The following SNX6 variants were observed in gnomAD, a reference collection of about 807,000 sequenced individuals.
SNX6 encodes the protein sorting nexin 6, also known as sorting nexin-6.
In SNX6, 34 loss-of-function variants were observed where a neutral mutation model predicts 63.0. The observed-to-expected ratio is 0.54, with a 90% CI of 0.41 to 0.72. The LOEUF (loss-of-function observed/expected upper bound fraction) is 0.72. SNX6 is among the 30% of genes least tolerant of loss of function. The pLI, the probability that SNX6 is intolerant of heterozygous loss-of-function variation, is 0.00. For synonymous variants in SNX6, 170 were observed against 164.2 expected, an observed-to-expected ratio of 1.04 and a Z score of -0.27; for missense variants, 398 against 471.4, an observed-to-expected ratio of 0.84 and a Z score of 1.44.
At chr14:34,603,285 C>CA (rs887998953) in intron 6 of SNX6, 63 bp downstream of exon 6, 89,263 of 1,043,112 alleles carry the variant, frequency 0.086, 2 homozygotes, top group East Asian at 0.12. Flanking sequence ...GATTCCGTCT[C>CA]AAAAAAAAAA....
At chr14:34,571,279 A>T (rs1425459948) in intron 11 of SNX6, among the ~76,000 whole-genome samples, 2 of 151,662 alleles carry the variant, frequency 1.3e-5, no homozygotes, top group Non-Finnish European at 2.9e-5. Context: ...TAAAAATACA[A>T]AAAATTAGCC....
Position 34,567,878 on chromosome 14 carries a change from T to C in SNX6, c.1057A>G (p.Lys353Glu), listed in dbSNP as rs762002042. The C allele has an allele frequency of 1.2e-6, 2 of 1,614,120 alleles. No homozygotes were observed. Among genetic ancestry groups the C allele is most frequent in the Non-Finnish European group, 1.7e-6 (2 of 1,180,024 alleles). Residue 353 changes from lysine (K) to glutamate (E), a missense_variant, in exon 12 of 14, where the codon AAA becomes GAA. Transcript: ENST00000362031. ...SQQLCCQKFEKISESAKQELI... is the reference protein window; with the variant it reads ...SQQLCCQKFEEISESAKQELI... ...CCTTGTTTTGCAGACTCAGATATTT[T>C]TTCAAATTTCTGACAACATAATTGT...
intron 2 of SNX6, among the ~76,000 whole-genome samples, chr14:34,625,150 C>T (rs1201325902): frequency 6.6e-6 from 1 of 152,032 alleles, no homozygotes; most frequent in Non-Finnish European, 1.5e-5. Flanking sequence ...CTCCCGACCT[C>T]GTGATCCACC....
At chr14:34,596,422 C>A (rs1882600141) in intron 7 of SNX6, among the ~76,000 whole-genome samples, 2 of 151,628 alleles carry the variant, frequency 1.3e-5, no homozygotes, top group South Asian at 4.2e-4. Context: ...AGTTCGAGAC[C>A]AGCCTGGCCA....
intron 11 of SNX6, among the ~76,000 whole-genome samples, chr14:34,569,913 G>C (rs1360909122): frequency 6.6e-6 from 1 of 152,130 alleles, no homozygotes; most frequent in Non-Finnish European, 1.5e-5. Context: ...TGAAATCACT[G>C]AGTCATATGG....
chr14:34,592,852 C>T (rs922245458), intron 8 of SNX6, among the ~76,000 whole-genome samples, 193 bp downstream of exon 8: 1 of 152,228 alleles, frequency 6.6e-6, no homozygotes, highest in African/African-American at 2.4e-5. Flanking sequence ...GTCGTGATCA[C>T]AGGCGTGAGC....
intron 9 of SNX6, among the ~76,000 whole-genome samples, 170 bp downstream of exon 9, chr14:34,586,059 CG>C (rs984308861): frequency 5.3e-5 from 8 of 151,916 alleles, no homozygotes; most frequent in Non-Finnish European, 7.4e-5. Context: ...TGTGTCACCC[CG>C]CCTGGCTAAT....
intron 8 of SNX6, among the ~76,000 whole-genome samples, chr14:34,589,979 G>A (rs543190743): frequency 2.0e-5 from 3 of 152,206 alleles, no homozygotes; most frequent in Non-Finnish European, 2.9e-5. Context: ...AATTAGCCAC[G>A]CATGGTGGCG....
At chr14:34,626,211 T>A (rs1270817842) in intron 2 of SNX6, among the ~76,000 whole-genome samples, 6 of 152,142 alleles carry the variant, frequency 3.9e-5, no homozygotes. Context: ...ACTGGGTAAG[T>A]GTATATATCC....
Position 34,618,496 on chromosome 14 carries a change from G to A in SNX6, c.55-8754C>T, listed in dbSNP as rs750539801. 2.6e-5 allele frequency among the ~76,000 whole-genome samples: 4 copies of A among 152,036 alleles called. 1 individual carries two copies. The highest frequency in any genetic ancestry group is 6.3e-3 in the Middle Eastern group (2 of 316). ...CTCCCTAGTAGCTGGAATTACAGAC[G>A]TGCGACACCATGCCCAGCTAATTTT... On this transcript the variant is annotated intron_variant, in intron 2 of 13. Coordinates refer to ENST00000362031, the MANE Select transcript of SNX6 (RefSeq NM_152233.4).
chr14:34,612,729 G>A (rs1364914508), intron 2 of SNX6, among the ~76,000 whole-genome samples: 7 of 151,576 alleles, frequency 4.6e-5, no homozygotes, highest in East Asian at 4.0e-4. Context: ...CCACCACGCC[G>A]AGCCAGGACA....
At chr14:34,610,035 GTT>G (rs1167950243) in intron 2 of SNX6, among the ~76,000 whole-genome samples, 1 of 151,948 alleles carries the variant, frequency 6.6e-6, no homozygotes, top group Admixed American at 6.6e-5. Flanking sequence ...TTTAGTTACA[GTT>G]TATTTCAAAA....
At chr14:34,612,976 G>A (rs1883287682) in intron 2 of SNX6, among the ~76,000 whole-genome samples, 1 of 150,120 alleles carries the variant, frequency 6.7e-6, no homozygotes, top group Non-Finnish European at 1.5e-5. Flanking sequence ...GTGAACCTGG[G>A]AGGTGGAGCT....
Position 34,593,146 on chromosome 14 carries a change from A to G in SNX6, c.617T>C (p.Val206Ala), listed in dbSNP as rs1882465670. The change falls in exon 8 of 14, where the codon GTA (valine) becomes GCA (alanine). Residue 206 changes from valine (V) to alanine (A), a missense_variant. Transcript: ENST00000362031. ...TCGTTCGTGCTCAAAGAAATCATCT[A>G]CATCCTATAAGATCAAAAGAAAATA... ...DGVIVSGVKD[V>A]DDFFEHERTF... 1 of 1,582,362 alleles carries G rather than the reference A, an allele frequency of 6.3e-7. No individual in the cohort carries two copies. Among genetic ancestry groups the G allele is most frequent in the African/African-American group, 1.4e-5 (1 of 73,728 alleles).
At chr14:34,621,101 A>T (rs1296018717) in intron 2 of SNX6, among the ~76,000 whole-genome samples, 1 of 152,014 alleles carries the variant, frequency 6.6e-6, no homozygotes, top group Non-Finnish European at 1.5e-5. Context: ...TGCATGTGTG[A>T]CCACACCCTG....
intron 11 of SNX6, among the ~76,000 whole-genome samples, chr14:34,570,375 T>C (rs1594694115): frequency 2.7e-5 from 4 of 145,804 alleles, no homozygotes; most frequent in African/African-American, 1.0e-4. Flanking sequence ...CTTACCAGCT[T>C]TTTTTTTTTT....
intron 8 of SNX6, among the ~76,000 whole-genome samples, chr14:34,592,335 G>A (rs1454437364): frequency 6.6e-6 from 1 of 152,082 alleles, no homozygotes. Flanking sequence ...GTTGCAGTGA[G>A]CTGAGATTGC....
At chr14:34,617,711 G>A (rs531862197) in intron 2 of SNX6, among the ~76,000 whole-genome samples, 125 of 151,716 alleles carry the variant, frequency 8.2e-4, no homozygotes, top group African/African-American at 2.9e-3. Context: ...CACGAGGTCA[G>A]GGGATCAAGA....
rs1184494873 is a variant in SNX6 at position 34,563,111 on chromosome 14, C to CG, written c.*10dup. 2.5e-6 allele frequency: 4 copies of CG among 1,612,658 alleles called. No individual in the cohort carries two copies. The highest frequency in any genetic ancestry group is 3.4e-6 in the Non-Finnish European group (4 of 1,179,160). ...AAGGCAGCCCTTTTTAACAGGAAGG[C>CG]GGAGTGTGGCTTATGTGTCTCCATT... On this transcript the variant is annotated 3_prime_UTR_variant, in exon 14 of 14. Coordinates refer to ENST00000362031, the MANE Select transcript of SNX6 (RefSeq NM_152233.4).
Sources: allele counts gnomAD v4.1 joint callset (sites outside exome capture counted in the v4.1 genomes callset), GRCh38; gene constraint gnomAD v4.1.1; transcripts MANE v1.5; gene names NCBI Gene and HGNC (gene_info 2026-07-23, HGNC 2026-07-21).